VAV2: variants seen among roughly 807,000 people sequenced by gnomAD.
VAV2 encodes the protein guanine nucleotide exchange factor VAV2.
In VAV2, 67 loss-of-function variants were observed where a neutral mutation model predicts 132.5. The ratio of observed to expected loss-of-function variants is 0.51; its 90% confidence interval spans 0.42 to 0.62. The LOEUF (loss-of-function observed/expected upper bound fraction) is 0.62. Ranked by LOEUF, VAV2 falls within the 20% of genes least tolerant of loss-of-function variation. The pLI is 0.00. For missense variants in VAV2, 938 were observed against 1,153.6 expected (o/e 0.81, Z 2.71); for synonymous variants, 492 against 443.5 (o/e 1.11, Z -1.37).
At chr9:133,896,861 G>A (rs990792139) in intron 2 of VAV2, among the ~76,000 whole-genome samples, 13 of 152,168 alleles carry the variant, frequency 8.5e-5, no homozygotes, top group Non-Finnish European at 1.6e-4. Flanking sequence ...TTGGGAGGCC[G>A]AGGCGGGCGG....
At chr9:133,816,156 T>A (rs1835551958) in intron 4 of VAV2, among the ~76,000 whole-genome samples, 1 of 152,340 alleles carries the variant, frequency 6.6e-6, no homozygotes. Context: ...TGTTCAAGAC[T>A]TTTGTCCATT....
intron 1 of VAV2, among the ~76,000 whole-genome samples, chr9:133,962,441 A>G (rs970830706): frequency 6.6e-6 from 1 of 152,256 alleles, no homozygotes; most frequent in African/African-American, 2.4e-5. Context: ...GTGTCCCTGC[A>G]GAGAGGAGCT....
At chr9:133,910,065 T>A (rs539674799) in intron 2 of VAV2, among the ~76,000 whole-genome samples, 127 of 152,222 alleles carry the variant, frequency 8.3e-4, no homozygotes, top group Middle Eastern at 6.8e-3. Flanking sequence ...ATTAACACAG[T>A]GACTGGAGCT....
rs1268943916 is a variant in VAV2 at position 133,991,001 on chromosome 9, C to G, written c.204+1074G>C. ...CGCAGTCACCGCCAAAGGGCAGAGG[C>G]CTCGCTGCCCAGCCTGGAATCGCTG... On this transcript the variant is annotated intron_variant, in intron 1 of 29. Transcript: ENST00000371850. This position sits in a 1 kb window ranked among gnomAD's most constrained non-coding sequence, Gnocchi z 4.8. Among the ~76,000 whole-genome samples, 1 of 152,214 alleles carries G rather than the reference C, an allele frequency of 6.6e-6. No homozygotes were observed. The highest frequency in any genetic ancestry group is 1.5e-5 in the Non-Finnish European group (1 of 68,032).
chr9:133,963,761 T>C (rs1035260000), intron 1 of VAV2, among the ~76,000 whole-genome samples: 2 of 152,114 alleles, frequency 1.3e-5, no homozygotes, highest in Non-Finnish European at 2.9e-5. Flanking sequence ...ATTATGCCTC[T>C]GATTACAAGG....
chr9:133,792,143 T>G (rs1300215618), intron 12 of VAV2, among the ~76,000 whole-genome samples: 12 of 122,694 alleles, frequency 9.8e-5, no homozygotes, highest in Non-Finnish European at 1.5e-4. Flanking sequence ...TTGTGCTGGG[T>G]GGGGTGTGTG....
rs1834953267 is a variant in VAV2 at position 133,802,175 on chromosome 9, T to C, written c.836+3906A>G. ...CTCCAAGCCTATTGGAGGAAGTCAG[T>C]TAAGGAGGCAAAAGTTTACAGGCCT... On this transcript the variant is annotated intron_variant, in intron 9 of 29. Coordinates refer to ENST00000371850, the MANE Select transcript of VAV2 (RefSeq NM_001134398.2). This position sits in a 1 kb window ranked among gnomAD's most constrained non-coding sequence, Gnocchi z 5.8. 1.3e-5 allele frequency among the ~76,000 whole-genome samples: 2 copies of C among 152,040 alleles called. No homozygotes were observed.
At chr9:133,980,359 G>T (rs1328485865) in intron 1 of VAV2, among the ~76,000 whole-genome samples, 1 of 152,198 alleles carries the variant, frequency 6.6e-6, no homozygotes, top group African/African-American at 2.4e-5. Context: ...CCCCCACCTG[G>T]TGCTGCCCAG....
At chr9:133,799,552 G>A (rs541263891) in intron 9 of VAV2, among the ~76,000 whole-genome samples, 5 of 152,296 alleles carry the variant, frequency 3.3e-5, no homozygotes, top group South Asian at 4.1e-4. Context: ...GGGGGATCCC[G>A]TGTCCACAGA....
At chr9:133,784,279 G>A in intron 18 of VAV2, 38 bp downstream of exon 18, 1 of 1,596,934 alleles carries the variant, frequency 6.3e-7, no homozygotes, top group Non-Finnish European at 8.6e-7. Context: ...GGCTGGGCGT[G>A]GAGCGAGGTG....
intron 2 of VAV2, among the ~76,000 whole-genome samples, chr9:133,881,098 G>C (rs1310282610): frequency 1.3e-5 from 2 of 152,232 alleles, no homozygotes; most frequent in Non-Finnish European, 1.5e-5. Context: ...AGAGAGGCTG[G>C]GCAGGGAGAG....
intron 2 of VAV2, among the ~76,000 whole-genome samples, chr9:133,901,678 T>C (rs1441353092): frequency 6.6e-6 from 1 of 152,212 alleles, no homozygotes; most frequent in Non-Finnish European, 1.5e-5. Context: ...CTGGTGACTC[T>C]ACCTAGGTCT....
chr9:133,909,686 C>T (rs888118441), intron 2 of VAV2, among the ~76,000 whole-genome samples: 1 of 152,190 alleles, frequency 6.6e-6, no homozygotes, highest in Non-Finnish European at 1.5e-5. Context: ...GGGGAGACAG[C>T]CTTACAGAAG....
intron 1 of VAV2, among the ~76,000 whole-genome samples, chr9:133,948,206 T>C (rs552928472): frequency 6.8e-4 from 104 of 152,318 alleles, no homozygotes; most frequent in African/African-American, 2.5e-3. Flanking sequence ...CAGGGATTGA[T>C]TGAGGAGTGT....
rs998082794 is a variant in VAV2 at position 133,788,646 on chromosome 9, G to A, written c.1275-160C>T. Among the ~76,000 whole-genome samples, 1 of 152,266 alleles carries A rather than the reference G, an allele frequency of 6.6e-6. No homozygotes were observed. The highest frequency in any genetic ancestry group is 1.9e-4 in the East Asian group (1 of 5,168). ...CAGGCTAATGCTGAGCCTCGGTCAG[G>A]TCTCGGCTGTTCCCACACTGCTTCT... On this transcript the variant is annotated intron_variant, in intron 14 of 29. Transcript: ENST00000371850. This position sits in a 1 kb window ranked among gnomAD's most constrained non-coding sequence, Gnocchi z 5.3.
intron 1 of VAV2, among the ~76,000 whole-genome samples, chr9:133,945,637 C>A (rs958833150): frequency 6.6e-6 from 1 of 152,226 alleles, no homozygotes; most frequent in Non-Finnish European, 1.5e-5. Flanking sequence ...TGTCCTCAGT[C>A]CCAGGAGTGG....
intron 2 of VAV2, among the ~76,000 whole-genome samples, chr9:133,898,579 G>A (rs886354680): frequency 9.9e-5 from 15 of 152,092 alleles, no homozygotes; most frequent in African/African-American, 3.1e-4. Context: ...GGGCGACACA[G>A]CGAGACTCTG....
chr9:133,780,797 T>TG (rs1158520793), intron 19 of VAV2, 87 bp from the exon 20 acceptor site: 15 of 1,236,454 alleles, frequency 1.2e-5, no homozygotes, highest in Non-Finnish European at 1.5e-5. Flanking sequence ...CCCGAGCCTC[T>TG]GGGCCGAGCT....
chr9:133,979,782 C>T (rs1452742874), intron 1 of VAV2, among the ~76,000 whole-genome samples: 4 of 152,218 alleles, frequency 2.6e-5, no homozygotes, highest in East Asian at 1.9e-4. Flanking sequence ...AAACGGCATT[C>T]GGGGAGCACA....
Sources: allele counts gnomAD v4.1 joint callset (sites outside exome capture counted in the v4.1 genomes callset), GRCh38; gene constraint gnomAD v4.1.1; non-coding constraint Gnocchi (gnomAD v3.1); transcripts MANE v1.5; gene names NCBI Gene and HGNC (gene_info 2026-07-23, HGNC 2026-07-21).